HIVEP1: variants seen among roughly 807,000 people sequenced by gnomAD.
HIVEP1 encodes the protein HIVEP zinc finger 1, also known as zinc finger protein 40.
Under a neutral mutation model 180.0 loss-of-function variants are expected in HIVEP1, and 36 were observed. That is an observed-to-expected ratio of 0.20 (90% CI 0.15 to 0.26). The LOEUF (loss-of-function observed/expected upper bound fraction) is 0.26, where lower values mean the gene tolerates loss of function less well. HIVEP1 is among the 10% of genes least tolerant of loss of function. The pLI is 1.00. For missense variants in HIVEP1, 3,143 were observed against 3,268.7 expected, an observed-to-expected ratio of 0.96 and a Z score of 0.94; for synonymous variants, 1,239 against 1,239.0, an observed-to-expected ratio of 1.00 and a Z score of 0.00.
At chr6:12,155,619 A>G (rs1252878982) in intron 7 of HIVEP1, among the ~76,000 whole-genome samples, 1 of 152,216 alleles carries the variant, frequency 6.6e-6, no homozygotes, top group South Asian at 2.1e-4. Context: ...AGAGTATTCT[A>G]TGGTGTACAT....
intron 3 of HIVEP1, among the ~76,000 whole-genome samples, chr6:12,115,476 G>A (rs983408715): frequency 2.6e-5 from 4 of 151,202 alleles, no homozygotes; most frequent in Non-Finnish European, 4.4e-5. Context: ...TGGTCTGACA[G>A]GGGCAGTGCT....
the HIVEP1 span, among the ~76,000 whole-genome samples, chr6:12,172,293 A>G: frequency 6.9e-6 from 1 of 144,270 alleles, no homozygotes; most frequent in African/African-American, 2.9e-5. Context: ...CAGCACACTG[A>G]ACAACTGTTC....
intron 3 of HIVEP1, among the ~76,000 whole-genome samples, chr6:12,105,492 C>T (rs1581690462): frequency 6.6e-6 from 1 of 152,150 alleles, no homozygotes; most frequent in East Asian, 1.9e-4. Flanking sequence ...CTTTTTATTG[C>T]TTAATTGCCT....
At chr6:12,181,645 A>T in the HIVEP1 span, among the ~76,000 whole-genome samples, 1 of 152,208 alleles carries the variant, frequency 6.6e-6, no homozygotes, top group Non-Finnish European at 1.5e-5. Flanking sequence ...AAAGAAAAGT[A>T]TTCGGAGACT....
chr6:12,199,137 A>G, the HIVEP1 span, among the ~76,000 whole-genome samples: 29 of 152,228 alleles, frequency 1.9e-4, no homozygotes, highest in African/African-American at 7.0e-4. Flanking sequence ...TATTAAAACC[A>G]TAATTGCTTA....
the HIVEP1 span, among the ~76,000 whole-genome samples, chr6:12,202,240 G>A: frequency 6.6e-6 from 1 of 151,952 alleles, no homozygotes; most frequent in Non-Finnish European, 1.5e-5. Flanking sequence ...CTGCAGCCTT[G>A]ACCTCCCGGG....
the HIVEP1 span, among the ~76,000 whole-genome samples, chr6:12,179,384 A>T: frequency 0.054 from 8,281 of 152,126 alleles, 774 homozygotes; most frequent in African/African-American, 0.19. Context: ...CGCACCATCC[A>T]CCAGCAGGCT....
At chr6:12,022,817 C>G (rs1181278942) in intron 2 of HIVEP1, among the ~76,000 whole-genome samples, 1 of 152,150 alleles carries the variant, frequency 6.6e-6, no homozygotes, top group African/African-American at 2.4e-5. Context: ...CTGACATGTC[C>G]CATTCTTGTT....
Position 12,163,953 on chromosome 6 carries a change from C to T in HIVEP1, c.7649C>T (p.Ala2550Val). Residue 2550 changes from alanine (A) to valine (V), a missense_variant, in exon 9 of 9, where the codon GCA becomes GTA. By Grantham distance (64) the Ala-to-Val change is moderately conservative. Around this residue, in one of 12 missense-constraint regions of HIVEP1, gnomAD observed 595 missense variants for 602.2 expected, o/e 0.99. Coordinates refer to ENST00000379388, the MANE Select transcript of HIVEP1 (RefSeq NM_002114.4). The part of the protein sequence containing the change: ...HIPGLQILNI[A>V]LPTLIPSVSQ... ...CCAGGTCTCCAGATCTTGAACATAG[C>T]ATTGCCCACCTTAATCCCCTCAGTC... is the stretch of plus-strand genomic sequence containing the variant. 6.2e-7 allele frequency: 1 copy of T among 1,614,140 alleles called. No homozygotes were observed. The highest frequency in any genetic ancestry group is 8.5e-7 in the Non-Finnish European group (1 of 1,180,018).
upstream of HIVEP1, chr6:12,012,105 T>A (rs977937700): frequency 6.2e-5 from 9 of 145,650 alleles, no homozygotes; most frequent in African/African-American, 2.2e-4. Flanking sequence ...CCCCAGGGTC[T>A]GTCCGCCCGC....
intron 2 of HIVEP1, among the ~76,000 whole-genome samples, chr6:12,072,045 T>C (rs938072743): frequency 2.6e-5 from 4 of 152,106 alleles, no homozygotes; most frequent in Non-Finnish European, 1.5e-5. Context: ...ACAGATTTTG[T>C]GGACCTCATA....
chr6:12,161,257 C>G (rs552990151), intron 7 of HIVEP1, among the ~76,000 whole-genome samples, 182 bp from the exon 8 acceptor site: 1 of 152,278 alleles, frequency 6.6e-6, no homozygotes, highest in African/African-American at 2.4e-5. Context: ...TCCTCTGAAT[C>G]CTGATGGCCA....
At chr6:12,142,730 C>T (rs191582432) in intron 7 of HIVEP1, among the ~76,000 whole-genome samples, 1 of 152,188 alleles carries the variant, frequency 6.6e-6, no homozygotes, top group East Asian at 1.9e-4. Context: ...AGAATACAAA[C>T]TATCATCAGA....
intron 8 of HIVEP1, 43 bp downstream of exon 8, chr6:12,161,972 A>C: frequency 6.5e-7 from 1 of 1,533,584 alleles, no homozygotes; most frequent in Non-Finnish European, 8.8e-7. Flanking sequence ...TTTTCGTTTT[A>C]ACCTATTAAA....
In HIVEP1 at chr6:12,032,703, C is replaced by T. The variant is rs143482025; in HGVS notation, c.40+17035C>T. Among the ~76,000 whole-genome samples, 26 of 152,240 alleles carry T rather than the reference C, an allele frequency of 1.7e-4. No homozygotes were observed. In the East Asian group the frequency reaches 2.7e-3, roughly 16 times the overall value. ...TGGTACTTAGTAGCTATTCAGCAAA[C>T]GTTTGTTTACCCACCCAGAAAGTTT... is the stretch of plus-strand genomic sequence containing the variant. On this transcript the variant is annotated intron_variant, in intron 2 of 8. Coordinates refer to ENST00000379388, the MANE Select transcript of HIVEP1 (RefSeq NM_002114.4).
chr6:12,058,660 A>G (rs978382980), intron 2 of HIVEP1, among the ~76,000 whole-genome samples: 3 of 152,186 alleles, frequency 2.0e-5, no homozygotes, highest in Non-Finnish European at 2.9e-5. Context: ...GGCAGGGGGT[A>G]GATTTTCCAT....
At chr6:12,093,020 T>G (rs1453416296) in intron 3 of HIVEP1, among the ~76,000 whole-genome samples, 1 of 152,184 alleles carries the variant, frequency 6.6e-6, no homozygotes, top group Non-Finnish European at 1.5e-5. Flanking sequence ...GTTGACTTCC[T>G]GTGATTGGCT....
chr6:12,161,693 G>A lies in HIVEP1; in HGVS notation c.6742G>A (p.Val2248Ile), dbSNP rs998772121. 22 of 1,614,044 alleles carry A rather than the reference G, an allele frequency of 1.4e-5. No individual in the cohort carries two copies. The highest frequency in any genetic ancestry group is 4.5e-5 in the East Asian group (2 of 44,880). The change falls in exon 8 of 9, where the codon GTT becomes ATT. Residue 2248 changes from valine (V) to isoleucine (I), a missense_variant. By Grantham distance (29) the Val-to-Ile change is conservative (BLOSUM62 3). This residue lies in a region of HIVEP1 where 595 missense variants were observed against 602.2 expected (regional missense o/e 0.99). Coordinates refer to ENST00000379388, the MANE Select transcript of HIVEP1 (RefSeq NM_002114.4). ...TGGGGTACACACGGACCCAATGGAC[G>A]TTCTGCCCAGGGCGCTGCTCACCAG... is the stretch of plus-strand genomic sequence containing the variant. ...FSGVHTDPMD[V>I]LPRALLTRMT...
At chr6:12,059,261 CT>C (rs1212118939) in intron 2 of HIVEP1, among the ~76,000 whole-genome samples, 1 of 152,184 alleles carries the variant, frequency 6.6e-6, no homozygotes, top group Non-Finnish European at 1.5e-5. Context: ...TGGTCTCCAA[CT>C]CCTGACCTCA....
Sources: gnomAD v4.1 joint callset for allele counts (sites outside exome capture counted in the v4.1 genomes callset) on GRCh38, gnomAD v4.1.1 for gene constraint, gnomAD v4.1.1 regional missense constraint, MANE v1.5 for transcripts, NCBI Gene and HGNC (gene_info 2026-07-23, HGNC 2026-07-21) for gene names.